RPS6KC1: variants seen among roughly 807,000 people sequenced by gnomAD.
RPS6KC1 encodes the protein inactive ribosomal protein S6 kinase delta-1.
RPS6KC1 carries 54 observed loss-of-function variants against 103.8 expected under a neutral mutation model. The observed-to-expected ratio is 0.52, with a 90% CI of 0.42 to 0.65. RPS6KC1 has a LOEUF of 0.65. RPS6KC1 is among the 30% of genes least tolerant of loss of function. The probability of loss-of-function intolerance (pLI) is 0.00; values close to 1 mark genes in which losing one functional copy is unlikely to be tolerated. For synonymous variants in RPS6KC1, 439 were observed against 438.7 expected, an observed-to-expected ratio of 1.00 and a Z score of -0.01; for missense variants, 1,151 against 1,253.8, an observed-to-expected ratio of 0.92 and a Z score of 1.24.
chr1:213,363,723 T>TC, the RPS6KC1 span, among the ~76,000 whole-genome samples: 1 of 126,544 alleles, frequency 7.9e-6, no homozygotes, highest in African/African-American at 3.5e-5. Flanking sequence ...TCTTTCTTTC[T>TC]TTCGTTCTTT....
At chr1:213,188,078 G>A (rs2092605953) in intron 8 of RPS6KC1, among the ~76,000 whole-genome samples, 1 of 152,054 alleles carries the variant, frequency 6.6e-6, no homozygotes, top group African/African-American at 2.4e-5. Flanking sequence ...CTCAGATTGG[G>A]CATCTCTGTT....
chr1:213,401,292 T>C, the RPS6KC1 span, among the ~76,000 whole-genome samples: 2 of 152,192 alleles, frequency 1.3e-5, no homozygotes, highest in South Asian at 2.1e-4. Flanking sequence ...TTTTGAGATC[T>C]GAAGGCTGAG....
chr1:213,813,774 G>A, the RPS6KC1 span, among the ~76,000 whole-genome samples: 2 of 152,160 alleles, frequency 1.3e-5, no homozygotes, highest in African/African-American at 4.8e-5. Flanking sequence ...TAATCTCTAC[G>A]AGAGGAGCAG....
Position 213,166,459 on chromosome 1 carries a change from T to C in RPS6KC1, c.836-1399T>C, listed in dbSNP as rs895964727. Among the ~76,000 whole-genome samples the C allele has an allele frequency of 1.2e-4, 18 of 152,360 alleles. 1 individual carries two copies. The highest frequency in any genetic ancestry group is 6.5e-4 in the Admixed American group (10 of 15,302). Reference sequence around the variant, plus strand: ...GATTTTCACAGAATATACTCATTTTTCAACTGAGTAGAAAAGCCCTCTAAA... The same window carrying C: ...GATTTTCACAGAATATACTCATTTTCCAACTGAGTAGAAAAGCCCTCTAAA... On this transcript the variant is annotated intron_variant, in intron 6 of 14. Transcript: ENST00000366960.
At chr1:213,167,289 A>G (rs2091045368) in intron 6 of RPS6KC1, among the ~76,000 whole-genome samples, 2 of 152,174 alleles carry the variant, frequency 1.3e-5, no homozygotes, top group South Asian at 4.1e-4. Flanking sequence ...GAAGCAGAAG[A>G]TGCTGTTCCA....
At chr1:213,507,886 T>G in the RPS6KC1 span, among the ~76,000 whole-genome samples, 1 of 152,336 alleles carries the variant, frequency 6.6e-6, no homozygotes, top group Non-Finnish European at 1.5e-5. Flanking sequence ...AATCAGAGCT[T>G]TAAACTATGT....
chr1:213,410,288 G>C, the RPS6KC1 span, among the ~76,000 whole-genome samples: 2 of 152,144 alleles, frequency 1.3e-5, no homozygotes, highest in Non-Finnish European at 2.9e-5. Flanking sequence ...GGAAATGAGA[G>C]GGGGTGAGAT....
At chr1:213,711,770 C>T in the RPS6KC1 span, among the ~76,000 whole-genome samples, 2 of 152,208 alleles carry the variant, frequency 1.3e-5, no homozygotes, top group Non-Finnish European at 2.9e-5. Context: ...AGTCAGGCCC[C>T]ACTTCTGCAG....
At chr1:213,240,629 T>G in intron 10 of RPS6KC1, 73 bp from the exon 11 acceptor site, 1 of 1,312,960 alleles carries the variant, frequency 7.6e-7, no homozygotes, top group South Asian at 1.5e-5. Flanking sequence ...AGTTTTTGTT[T>G]TTCTAATGGC....
At chr1:213,502,396 TA>T in the RPS6KC1 span, among the ~76,000 whole-genome samples, 1 of 152,118 alleles carries the variant, frequency 6.6e-6, no homozygotes, top group African/African-American at 2.4e-5. Flanking sequence ...ACAAACCCAG[TA>T]AAAAATGATA....
chr1:213,324,725 T>C, the RPS6KC1 span, among the ~76,000 whole-genome samples: 1 of 151,256 alleles, frequency 6.6e-6, no homozygotes, highest in African/African-American at 2.4e-5. Context: ...CTATTCCTAC[T>C]AATCTTGTGG....
chr1:213,102,477 T>G (rs1047954336), intron 3 of RPS6KC1, among the ~76,000 whole-genome samples: 1 of 152,188 alleles, frequency 6.6e-6, no homozygotes, highest in Non-Finnish European at 1.5e-5. Flanking sequence ...GTCATTTGTC[T>G]TTTAAAAAGA....
chr1:213,428,139 T>G, the RPS6KC1 span, among the ~76,000 whole-genome samples: 1 of 152,210 alleles, frequency 6.6e-6, no homozygotes, highest in Non-Finnish European at 1.5e-5. Context: ...ACAGGTTTTC[T>G]GCCTCAGACT....
At chr1:213,103,022 C>T (rs988667717) in intron 3 of RPS6KC1, among the ~76,000 whole-genome samples, 3 of 151,930 alleles carry the variant, frequency 2.0e-5, no homozygotes, top group African/African-American at 7.3e-5. Context: ...GCCTGGGCAG[C>T]GTAGTGCGAC....
rs533669728 is a variant in RPS6KC1 at position 213,214,439 on chromosome 1, C to T, written c.1045-16058C>T. ...GAGGCCTGCCTGCCTCTGTAGACTC[C>T]ACCTCTCGGGGCAGGGCATAGCCGA... On this transcript the variant is annotated intron_variant, in intron 8 of 14. Coordinates refer to ENST00000366960, the MANE Select transcript of RPS6KC1 (RefSeq NM_012424.6). Among the ~76,000 whole-genome samples the T allele has an allele frequency of 4.6e-5, 7 of 152,328 alleles. No individual in the cohort carries two copies. The East Asian group carries it at 1.4e-3, about 29-fold the overall frequency.
the RPS6KC1 span, among the ~76,000 whole-genome samples, chr1:213,671,399 T>C: frequency 6.6e-6 from 1 of 151,988 alleles, no homozygotes; most frequent in Non-Finnish European, 1.5e-5. Flanking sequence ...CGGGGAGATG[T>C]TGGTCAGTGG....
At chr1:213,516,923 C>T in the RPS6KC1 span, among the ~76,000 whole-genome samples, 12 of 152,282 alleles carry the variant, frequency 7.9e-5, no homozygotes, top group Admixed American at 4.6e-4. Context: ...TTGGGCTATT[C>T]AGAGAGTCAA....
chr1:213,482,540 GTTTTTTTTTTTT>G, the RPS6KC1 span, among the ~76,000 whole-genome samples: 10 of 61,150 alleles, frequency 1.6e-4, no homozygotes, highest in East Asian at 8.9e-4. Context: ...CTAACTTGAG[GTTTTTTTTTTTT>G]TTTTTTTTTT....
At chr1:213,758,445 G>T in the RPS6KC1 span, among the ~76,000 whole-genome samples, 2 of 152,070 alleles carry the variant, frequency 1.3e-5, no homozygotes, top group Non-Finnish European at 2.9e-5. Flanking sequence ...GGGTATGGTG[G>T]TGCACATCTG....
Sources: gnomAD v4.1 joint callset for allele counts (sites outside exome capture counted in the v4.1 genomes callset) on GRCh38, gnomAD v4.1.1 for gene constraint, MANE v1.5 for transcripts, NCBI Gene and HGNC (gene_info 2026-07-23, HGNC 2026-07-21) for gene names.